Variants in VPS9D1 observed in about 807,000 individuals in gnomAD.
The protein encoded by VPS9D1 is VPS9 domain containing 1.
Under a neutral mutation model 75.8 loss-of-function variants are expected in VPS9D1, and 78 were observed. The observed-to-expected ratio is 1.03, with a 90% CI of 0.86 to 1.24. VPS9D1 has a LOEUF of 1.24. Among genes scored for constraint, VPS9D1 ranks in the 50% most tolerant of loss-of-function variants. The pLI is 0.00. For synonymous variants in VPS9D1, 481 were observed against 385.6 expected, an observed-to-expected ratio of 1.25 and a Z score of -2.90; for missense variants, 1,057 against 847.7, an observed-to-expected ratio of 1.25 and a Z score of -3.07.
rs1228979082 is a variant in VPS9D1 at position 89,718,123 on chromosome 16, G to C, written c.175+904C>G. Reference sequence around the variant, plus strand: ...GACCTCTGTGATCCTTTGTGCAGCGGCTGCTGGCCTCTCAAACTTAATGTG... The same window carrying C: ...GACCTCTGTGATCCTTTGTGCAGCGCCTGCTGGCCTCTCAAACTTAATGTG... On this transcript the variant is annotated intron_variant, in intron 2 of 14. Coordinates refer to ENST00000389386, the MANE Select transcript of VPS9D1 (RefSeq NM_004913.3). 6.7e-6 allele frequency: 3 copies of C among 449,766 alleles called. No homozygotes were observed. The Admixed American group carries it at 7.2e-5, about 11-fold the overall frequency. 27.9% of individuals were successfully genotyped at this position (449,766 alleles called of 1,614,324 possible).
chr16:89,709,968 T>C, intron 10 of VPS9D1, 62 bp from the exon 11 acceptor site: 1 of 1,534,408 alleles, frequency 6.5e-7, no homozygotes, highest in South Asian at 1.3e-5. Context: ...CAAGTGGCTC[T>C]AAGCCACGGG....
intron 4 of VPS9D1, among the ~76,000 whole-genome samples, chr16:89,716,189 A>G (rs927156696): frequency 1.3e-5 from 2 of 150,956 alleles, no homozygotes; most frequent in African/African-American, 4.9e-5. Flanking sequence ...ACATGGCAAA[A>G]CCCCGTCTCT....
chr16:89,712,290 AC>A, intron 6 of VPS9D1, 169 bp downstream of exon 6: 1 of 1,318,478 alleles, frequency 7.6e-7, no homozygotes. Context: ...AACATGGGGG[AC>A]GGCGGCCGGG....
intron 14 of VPS9D1, among the ~76,000 whole-genome samples, 184 bp from the exon 15 acceptor site, chr16:89,708,138 G>A (rs2060832416): frequency 1.3e-5 from 2 of 152,240 alleles, no homozygotes; most frequent in Non-Finnish European, 2.9e-5. Flanking sequence ...TCCTTGGACG[G>A]TAGAGCCAGG....
chr16:89,712,390 T>C, intron 6 of VPS9D1, 70 bp downstream of exon 6: 1 of 1,599,368 alleles, frequency 6.3e-7, no homozygotes, highest in South Asian at 1.1e-5. Context: ...CGCTGCCCCC[T>C]TCTCTGCCCT....
chr16:89,715,479 G>C (rs999121070), intron 4 of VPS9D1, among the ~76,000 whole-genome samples: 1 of 151,780 alleles, frequency 6.6e-6, no homozygotes, highest in Non-Finnish European at 1.5e-5. Context: ...ACCCACCTCG[G>C]CCTCCCAAAG....
rs749991301 is a variant in VPS9D1, at chr16:89,708,930, A to C, written c.1624T>G (p.Cys542Gly). 1.7e-5 allele frequency: 28 copies of C among 1,604,778 alleles called. No individual in the cohort carries two copies. Among genetic ancestry groups the C allele is most frequent in the Non-Finnish European group, 2.1e-5 (25 of 1,177,118 alleles). Residue 542 changes from cysteine to glycine, a missense_variant, in exon 13 of 15, where the codon TGT (cysteine) becomes GGT (glycine). Cys to Gly is a radical substitution (Grantham distance 159, BLOSUM62 -3). Coordinates refer to ENST00000389386, the MANE Select transcript of VPS9D1 (RefSeq NM_004913.3). ...IVRTLRIICV[C>G]AEDYCPTPEA... is the part of the protein sequence containing the mutation. ...GGGGTGGGGCAGTAGTCTTCCGCAC[A>C]GACACAGATGATCCGCAGGGTCCGC...
At position 89,711,334 on chromosome 16, in the gene VPS9D1, G is replaced by A. The variant is rs746700241; in HGVS notation, c.826C>T (p.Leu276=). The change falls in exon 9 of 15, where the codon CTG becomes TTG. Residue 276 remains leucine (L), a synonymous_variant. Coordinates refer to ENST00000389386, the MANE Select transcript of VPS9D1 (RefSeq NM_004913.3). ...GCCTGAAGGCCCAGCTACCTGAGCA[G>A]GTGTGAGACCAGGCTGGTCACGAGT... The part of the protein sequence containing the change: ...LSLVTSLVSH[L]LSLPDHPIAQ... 1.2e-5 allele frequency: 20 copies of A among 1,609,290 alleles called. No homozygotes were observed. In the Admixed American group the frequency reaches 3.4e-4, roughly 27 times the overall value.
At chr16:89,714,350 C>A (rs2061012082) in intron 4 of VPS9D1, among the ~76,000 whole-genome samples, 1 of 152,156 alleles carries the variant, frequency 6.6e-6, no homozygotes, top group Non-Finnish European at 1.5e-5. Flanking sequence ...TTGGACACCC[C>A]TGCTTTAAAG....
intron 2 of VPS9D1, 122 bp from the exon 3 acceptor site, chr16:89,716,944 C>T: frequency 3.5e-6 from 3 of 845,132 alleles, no homozygotes; most frequent in Non-Finnish European, 5.1e-6. Context: ...CCCCACTGAC[C>T]CCGGGCAAGC....
chr16:89,720,567 A>C (rs1339851791), intron 1 of VPS9D1, 196 bp downstream of exon 1: 3 of 1,192,762 alleles, frequency 2.5e-6, no homozygotes, highest in Non-Finnish European at 3.1e-6. Flanking sequence ...GGTCCGCAGG[A>C]TCTGAGCTGT....
In VPS9D1 at chr16:89,707,925, A is replaced by G; in HGVS notation, c.1832T>C (p.Leu611Pro). 1.2e-6 allele frequency: 2 copies of G among 1,613,064 alleles called. No homozygotes were observed. The highest frequency in any genetic ancestry group is 1.7e-6 in the Non-Finnish European group (2 of 1,179,938). Residue 611 changes from leucine (L) to proline (P), a missense_variant, in exon 15 of 15, where the codon CTC (leucine) becomes CCC (proline). Leu to Pro is a moderately conservative substitution (Grantham distance 98). Transcript: ENST00000389386. ...GYLIGEEGYC[L>P]TSLQSALSYV... ...GCTCAGGGCACTCTGCAGTGATGTG[A>G]GGCAGTAGCCCTCCTCTCCGATCAG...
chr16:89,716,713 T>A lies in VPS9D1; in HGVS notation c.268+17A>T. The A allele has an allele frequency of 6.3e-7, 1 of 1,590,648 alleles. No individual in the cohort carries two copies. The highest frequency in any genetic ancestry group is 8.6e-7 in the Non-Finnish European group (1 of 1,167,382). ...TGGGGGATGCCCCAGGAGAGCCGCC[T>A]ACTGCAGGAGACCCACCAAGCTTGG... is the stretch of plus-strand genomic sequence containing the variant. On this transcript the variant is annotated intron_variant, in intron 3 of 14. Transcript: ENST00000389386.
At chr16:89,719,816 T>C (rs1351997331) in intron 1 of VPS9D1, among the ~76,000 whole-genome samples, 1 of 152,144 alleles carries the variant, frequency 6.6e-6, no homozygotes, top group African/African-American at 2.4e-5. Context: ...CCTCCTGGGT[T>C]CAAGTGATTC....
rs759977946 is a variant in VPS9D1 at position 89,712,417 on chromosome 16, TGA to T, written c.606+41_606+42del. On this transcript the variant is annotated intron_variant, in intron 6 of 14. Transcript: ENST00000389386. ...CTCTGCCCTTGGCTCAAGGCCACAC[TGA>T]GTTTCCCCTCGGGGACCACCAGGGC... 2.0e-5 allele frequency: 32 copies of T among 1,609,688 alleles called. No homozygotes were observed. In the South Asian group the frequency reaches 3.4e-4, roughly 17 times the overall value.
At chr16:89,716,328 T>C (rs2151636266) in intron 4 of VPS9D1, 134 bp downstream of exon 4, 1 of 1,339,888 alleles carries the variant, frequency 7.5e-7, no homozygotes, top group East Asian at 2.4e-5. Context: ...ATTGAGCCGC[T>C]GCACTCCAGC....
intron 10 of VPS9D1, among the ~76,000 whole-genome samples, 155 bp from the exon 11 acceptor site, chr16:89,710,061 G>A (rs939004630): frequency 1.3e-5 from 2 of 152,196 alleles, no homozygotes; most frequent in African/African-American, 4.8e-5. Flanking sequence ...CCAGGGCAGG[G>A]AGTCCGGGAC....
chr16:89,714,823 C>T (rs971590412), intron 4 of VPS9D1, among the ~76,000 whole-genome samples: 23 of 152,300 alleles, frequency 1.5e-4, no homozygotes, highest in African/African-American at 5.5e-4. Flanking sequence ...CAACCTCCAC[C>T]TCCTGGGTTC....
chr16:89,711,359 T>A lies in VPS9D1; in HGVS notation c.801A>T (p.Ser267=), dbSNP rs374228723. The A allele has an allele frequency of 3.7e-6, 6 of 1,610,876 alleles. No homozygotes were observed. The highest frequency in any genetic ancestry group is 5.1e-6 in the Non-Finnish European group (6 of 1,178,688). Residue 267 remains serine (S), a synonymous_variant, in exon 9 of 15, where the codon TCA becomes TCT. Transcript: ENST00000389386. Reference sequence around the variant, plus strand: ...GGTGTGAGACCAGGCTGGTCACGAGTGACAGGTCCCCCGGATTCCTCTTGA... The same window carrying A: ...GGTGTGAGACCAGGCTGGTCACGAGAGACAGGTCCCCCGGATTCCTCTTGA... The part of the protein sequence containing the change: ...AKLKRNPGDL[S]LVTSLVSHLL...
Sources: allele counts gnomAD v4.1 joint callset (sites outside exome capture counted in the v4.1 genomes callset), GRCh38; gene constraint gnomAD v4.1.1; transcripts MANE v1.5; gene names NCBI Gene and HGNC (gene_info 2026-07-23, HGNC 2026-07-21).